The following CYB5R4 variants were observed in gnomAD, a reference collection of about 807,000 sequenced individuals.
The protein encoded by CYB5R4 is cytochrome b5 reductase 4, also known as N-terminal cytochrome b5 and cytochrome b5 oxidoreductase domain-containing protein.
A neutral mutation model predicts 70.2 loss-of-function variants in CYB5R4; 55 were observed. The observed-to-expected ratio is 0.78, with a 90% confidence interval of 0.63 to 0.98. CYB5R4 has a LOEUF of 0.98. Among genes scored for constraint, CYB5R4 ranks in the 50% least tolerant of loss-of-function variants. CYB5R4 has a pLI of 0.00. For synonymous variants in CYB5R4, 197 were observed against 199.5 expected, an observed-to-expected ratio of 0.99 and a Z score of 0.11; for missense variants, 562 against 612.6, an observed-to-expected ratio of 0.92 and a Z score of 0.87.
chr6:83,900,868 C>T (rs1341619876), intron 3 of CYB5R4, among the ~76,000 whole-genome samples: 1 of 152,014 alleles, frequency 6.6e-6, no homozygotes, highest in Non-Finnish European at 1.5e-5. Context: ...TGTCTCTGCA[C>T]GTGAGATGGG....
At chr6:83,862,651 T>G (rs1342205862) in intron 1 of CYB5R4, among the ~76,000 whole-genome samples, 1 of 152,208 alleles carries the variant, frequency 6.6e-6, no homozygotes, top group Non-Finnish European at 1.5e-5. Flanking sequence ...GAAGACCTGG[T>G]AAATCCCTAG....
intron 14 of CYB5R4, among the ~76,000 whole-genome samples, 166 bp from the exon 15 acceptor site, chr6:83,955,132 C>T (rs9449728): frequency 0.26 from 39,430 of 151,938 alleles, 9,133 homozygotes; most frequent in African/African-American, 0.62. Flanking sequence ...TTTACCTATA[C>T]GTTTTTGTTA....
At chr6:83,875,334 C>T (rs1262268436) in intron 2 of CYB5R4, among the ~76,000 whole-genome samples, 1 of 152,102 alleles carries the variant, frequency 6.6e-6, no homozygotes, top group Non-Finnish European at 1.5e-5. Flanking sequence ...TGGACCCAAA[C>T]TCCTGGGCTT....
intron 2 of CYB5R4, among the ~76,000 whole-genome samples, chr6:83,869,473 T>C (rs1264245669): frequency 6.6e-6 from 1 of 152,188 alleles, no homozygotes; most frequent in African/African-American, 2.4e-5. Flanking sequence ...GCGTGCACAT[T>C]CCTAGCTGAG....
At chr6:83,954,969 C>T (rs1173243722) in intron 14 of CYB5R4, among the ~76,000 whole-genome samples, 1 of 151,128 alleles carries the variant, frequency 6.6e-6, no homozygotes, top group Non-Finnish European at 1.5e-5. Context: ...TGGTCTCAAA[C>T]TCCTGTTCTC....
At chr6:83,927,326 T>G (rs924462213) in intron 10 of CYB5R4, among the ~76,000 whole-genome samples, 3 of 152,322 alleles carry the variant, frequency 2.0e-5, no homozygotes, top group Non-Finnish European at 4.4e-5. Context: ...GCAAACTGTC[T>G]ATCCTACAAT....
At chr6:83,920,115 T>C (rs533200273) in intron 7 of CYB5R4, among the ~76,000 whole-genome samples, 1 of 152,284 alleles carries the variant, frequency 6.6e-6, no homozygotes, top group African/African-American at 2.4e-5. Flanking sequence ...ACAGTCCAGC[T>C]GGAAAATCAG....
intron 13 of CYB5R4, 34 bp from the exon 14 acceptor site, chr6:83,940,481 T>A: frequency 6.6e-7 from 1 of 1,521,364 alleles, no homozygotes; most frequent in South Asian, 1.2e-5. Context: ...ATGTAATTAA[T>A]TAGTTATTTC....
Position 83,963,719 on chromosome 6 carries a change from T to C in CYB5R4, c.*3841T>C, listed in dbSNP as rs2099473655. Reference sequence around the variant, plus strand: ...CATGGAATGGAAGCATTATCTTGGGTGCAGCATTACACGTAGAGTTAAAAT... The same window carrying C: ...CATGGAATGGAAGCATTATCTTGGGCGCAGCATTACACGTAGAGTTAAAAT... On this transcript the variant is annotated 3_prime_UTR_variant, in exon 16 of 16. Transcript: ENST00000369681. 6.6e-6 allele frequency: 1 copy of C among 152,136 alleles called. No individual in the cohort carries two copies. Among genetic ancestry groups the C allele is most frequent in the African/African-American group, 2.4e-5 (1 of 41,432 alleles). The allele number at this position is 152,136 out of a possible 1,614,324, so 9.4% of individuals were successfully genotyped here.
At chr6:83,948,830 G>A (rs1302652904) in intron 14 of CYB5R4, among the ~76,000 whole-genome samples, 1 of 151,888 alleles carries the variant, frequency 6.6e-6, no homozygotes, top group Non-Finnish European at 1.5e-5. Flanking sequence ...ATGAGGAAAG[G>A]CCCCTTTTTT....
At chr6:83,943,469 C>T (rs1239605572) in intron 14 of CYB5R4, among the ~76,000 whole-genome samples, 1 of 151,962 alleles carries the variant, frequency 6.6e-6, no homozygotes, top group South Asian at 2.1e-4. Context: ...AGGTCACCAA[C>T]AGCAAAGACC....
intron 3 of CYB5R4, among the ~76,000 whole-genome samples, chr6:83,908,372 A>G (rs910042550): frequency 3.9e-5 from 6 of 152,172 alleles, no homozygotes; most frequent in Non-Finnish European, 8.8e-5. Context: ...TCATGAAAAA[A>G]GCCTAGTTGC....
intron 14 of CYB5R4, among the ~76,000 whole-genome samples, chr6:83,942,452 C>T (rs2099469917): frequency 6.6e-6 from 1 of 152,246 alleles, no homozygotes; most frequent in African/African-American, 2.4e-5. Context: ...GCTTTTTCCA[C>T]AGTCTTTGCA....
At chr6:83,862,989 T>C (rs1323213765) in intron 1 of CYB5R4, among the ~76,000 whole-genome samples, 1 of 152,228 alleles carries the variant, frequency 6.6e-6, no homozygotes, top group South Asian at 2.1e-4. Flanking sequence ...AAGTGAGATA[T>C]GTAAACATCC....
chr6:83,940,494 A>AG (rs1352948874), intron 13 of CYB5R4, 21 bp from the exon 14 acceptor site: 2 of 1,458,280 alleles, frequency 1.4e-6, no homozygotes, highest in East Asian at 2.4e-5. Context: ...GTTATTTCTG[A>AG]GTTTTTTTTT....
intron 10 of CYB5R4, among the ~76,000 whole-genome samples, chr6:83,931,640 C>T (rs1181417350): frequency 6.6e-6 from 1 of 151,744 alleles, no homozygotes; most frequent in African/African-American, 2.4e-5. Context: ...ATGTTTCTGT[C>T]TTATGTTTTT....
intron 14 of CYB5R4, among the ~76,000 whole-genome samples, chr6:83,952,762 A>G (rs2099471744): frequency 6.6e-6 from 1 of 152,146 alleles, no homozygotes; most frequent in South Asian, 2.1e-4. Context: ...TAATATGTGA[A>G]GTAAATATTA....
At chr6:83,909,218 A>G (rs973873169) in intron 4 of CYB5R4, 128 bp downstream of exon 4, 28 of 606,960 alleles carry the variant, frequency 4.6e-5, no homozygotes, top group Non-Finnish European at 6.7e-5. Flanking sequence ...CTCCTGGTCT[A>G]GCCACTCCAG....
intron 2 of CYB5R4, among the ~76,000 whole-genome samples, chr6:83,885,690 T>C (rs2099460138): frequency 1.3e-5 from 2 of 152,164 alleles, no homozygotes; most frequent in Admixed American, 6.5e-5. Context: ...GAATTCGGTC[T>C]TCTGAGCTAT....
Sources: gnomAD v4.1 joint callset for allele counts (sites outside exome capture counted in the v4.1 genomes callset) on GRCh38, gnomAD v4.1.1 for gene constraint, MANE v1.5 for transcripts, NCBI Gene and HGNC (gene_info 2026-07-23, HGNC 2026-07-21) for gene names.